The following TMCO5A variants were observed in gnomAD, a reference collection of about 807,000 sequenced individuals.
The protein encoded by TMCO5A is transmembrane and coiled-coil domain-containing protein 5A.
TMCO5A carries 34 observed loss-of-function variants against 42.3 expected under a neutral mutation model. The observed-to-expected ratio is 0.80, with a 90% CI of 0.61 to 1.07. The LOEUF (loss-of-function observed/expected upper bound fraction) is 1.07, where lower values mean the gene tolerates loss of function less well. Ranked by LOEUF, TMCO5A falls within the 50% of genes least tolerant of loss-of-function variation. The pLI is 0.00. For missense variants in TMCO5A, 357 were observed against 327.9 expected, an observed-to-expected ratio of 1.09 and a Z score of -0.69; for synonymous variants, 131 against 115.6, an observed-to-expected ratio of 1.13 and a Z score of -0.86.
At chr15:38,016,686 C>A in the TMCO5A span, among the ~76,000 whole-genome samples, 1 of 152,050 alleles carries the variant, frequency 6.6e-6, no homozygotes, top group Non-Finnish European at 1.5e-5. Flanking sequence ...TATAATAAGG[C>A]CTAAGTTATA....
intron 11 of TMCO5A, among the ~76,000 whole-genome samples, chr15:37,964,785 A>T (rs1445613522): frequency 2.6e-5 from 4 of 152,346 alleles, no homozygotes; most frequent in East Asian, 1.9e-4. Context: ...ATGGAAAGTT[A>T]TTCCAAGTTC....
chr15:37,974,200 G>A, the TMCO5A span, among the ~76,000 whole-genome samples: 13 of 151,954 alleles, frequency 8.6e-5, no homozygotes, highest in Admixed American at 8.5e-4. Flanking sequence ...TATGTTTATC[G>A]AGAATATTCT....
the TMCO5A span, among the ~76,000 whole-genome samples, chr15:38,019,924 G>A: frequency 6.6e-6 from 1 of 151,638 alleles, no homozygotes; most frequent in Non-Finnish European, 1.5e-5. Context: ...GTGGTTCTAT[G>A]GACTTGGACA....
At chr15:37,982,534 A>C in the TMCO5A span, among the ~76,000 whole-genome samples, 4 of 141,468 alleles carry the variant, frequency 2.8e-5, no homozygotes, top group East Asian at 7.9e-4. Context: ...TATATAATAG[A>C]TATTATATAT....
At chr15:37,951,015 T>C (rs112322043) in intron 11 of TMCO5A, 21 bp from the exon 12 acceptor site, 15 of 1,607,854 alleles carry the variant, frequency 9.3e-6, no homozygotes, top group African/African-American at 6.7e-5. Context: ...GGTTAACAGT[T>C]TCATGGCATT....
chr15:37,976,171 G>T, the TMCO5A span, among the ~76,000 whole-genome samples: 6 of 151,862 alleles, frequency 4.0e-5, no homozygotes, highest in Admixed American at 1.3e-4. Flanking sequence ...CTTGAACCTG[G>T]GAGGTGGAAG....
rs560610423 is a variant in TMCO5A at position 37,938,745 on chromosome 15, G to C, written c.387+516G>C. 2.6e-5 allele frequency among the ~76,000 whole-genome samples: 4 copies of C among 152,154 alleles called. No individual in the cohort carries two copies. The South Asian group carries it at 6.2e-4, about 24-fold the overall frequency. On this transcript the variant is annotated intron_variant, in intron 6 of 11. Coordinates refer to ENST00000319669, the MANE Select transcript of TMCO5A (RefSeq NM_152453.4). Reference sequence around the variant, plus strand: ...GAGTGCTCGGCAATTTATGTACCCTGTCCTGGATTCCAATCTAGAAAAGGG... The same window carrying C: ...GAGTGCTCGGCAATTTATGTACCCTCTCCTGGATTCCAATCTAGAAAAGGG...
chr15:38,039,075 C>G, the TMCO5A span, among the ~76,000 whole-genome samples: 1 of 152,182 alleles, frequency 6.6e-6, no homozygotes, highest in African/African-American at 2.4e-5. Flanking sequence ...TTCACATCAT[C>G]AGCTGTTTCC....
the TMCO5A span, among the ~76,000 whole-genome samples, chr15:37,973,726 A>G: frequency 6.6e-6 from 1 of 152,070 alleles, no homozygotes; most frequent in African/African-American, 2.4e-5. Flanking sequence ...AGATAGTTTG[A>G]CTTCCTCTCT....
chr15:38,032,694 G>A, the TMCO5A span, among the ~76,000 whole-genome samples: 1 of 152,182 alleles, frequency 6.6e-6, no homozygotes, highest in Non-Finnish European at 1.5e-5. Flanking sequence ...CAGAGGCCAT[G>A]TCCATAATTC....
At chr15:37,978,838 G>T in the TMCO5A span, among the ~76,000 whole-genome samples, 2 of 152,104 alleles carry the variant, frequency 1.3e-5, no homozygotes, top group African/African-American at 4.8e-5. Flanking sequence ...AGGAAGCATG[G>T]CGGCATCTGC....
the TMCO5A span, among the ~76,000 whole-genome samples, chr15:38,034,772 A>G: frequency 6.6e-6 from 1 of 152,166 alleles, no homozygotes; most frequent in Non-Finnish European, 1.5e-5. Flanking sequence ...CCCAATGGAC[A>G]CACCATGCCT....
intron 11 of TMCO5A, among the ~76,000 whole-genome samples, chr15:37,948,815 A>G (rs1890056303): frequency 6.6e-6 from 1 of 152,106 alleles, no homozygotes; most frequent in Admixed American, 6.6e-5. Context: ...TTCCCTGGGA[A>G]TGCAATCCCA....
the TMCO5A span, among the ~76,000 whole-genome samples, chr15:38,000,488 G>C: frequency 5.4e-4 from 81 of 151,150 alleles, no homozygotes; most frequent in South Asian, 1.1e-3. Context: ...ATTGATCTTT[G>C]TGTATTTTTA....
At chr15:38,009,316 C>T in the TMCO5A span, among the ~76,000 whole-genome samples, 37 of 152,192 alleles carry the variant, frequency 2.4e-4, no homozygotes, top group Admixed American at 1.7e-3. Flanking sequence ...AATCAGTTCC[C>T]CTAAAGAGCT....
downstream of TMCO5A, among the ~76,000 whole-genome samples, chr15:37,954,375 T>C (rs1890233171): frequency 6.6e-6 from 1 of 152,104 alleles, no homozygotes; most frequent in East Asian, 1.9e-4. Flanking sequence ...ATGAAAATCT[T>C]ACAGACCAGG....
chr15:37,994,906 G>A, the TMCO5A span, among the ~76,000 whole-genome samples: 2 of 152,154 alleles, frequency 1.3e-5, no homozygotes, highest in African/African-American at 4.8e-5. Flanking sequence ...GAGAGCAAAC[G>A]TCAGCACCTC....
chr15:37,948,619 A>C (rs1890047965), intron 11 of TMCO5A, among the ~76,000 whole-genome samples: 1 of 152,136 alleles, frequency 6.6e-6, no homozygotes. Flanking sequence ...GATTTCTAGA[A>C]TAAGGACTGT....
the TMCO5A span, among the ~76,000 whole-genome samples, chr15:38,014,853 T>TTTTATATATATA: frequency 1.8e-5 from 1 of 54,664 alleles, no homozygotes; most frequent in Non-Finnish European, 3.3e-5. Flanking sequence ...AGGAGAAAGA[T>TTTTATATATATA]TATATATATA....
Sources: gnomAD v4.1 joint callset for allele counts (sites outside exome capture counted in the v4.1 genomes callset) on GRCh38, gnomAD v4.1.1 for gene constraint, MANE v1.5 for transcripts, NCBI Gene and HGNC (gene_info 2026-07-23, HGNC 2026-07-21) for gene names.